Variants in MAP4 observed in about 807,000 individuals in gnomAD.
MAP4 encodes microtubule associated protein 4, also known as microtubule-associated protein 4.
A neutral mutation model predicts 170.2 loss-of-function variants in MAP4; 76 were observed. The ratio of observed to expected loss-of-function variants is 0.45; its 90% CI spans 0.37 to 0.54. The LOEUF (loss-of-function observed/expected upper bound fraction) is 0.54, where lower values mean the gene tolerates loss of function less well. Among genes scored for constraint, MAP4 ranks in the 20% least tolerant of loss-of-function variants. The probability of loss-of-function intolerance (pLI) is 0.00; values close to 1 mark genes in which losing one functional copy is unlikely to be tolerated. For missense variants in MAP4, 2,506 were observed against 2,748.0 expected (o/e 0.91, Z 1.97); for synonymous variants, 909 against 994.5 (o/e 0.91, Z 1.62).
At chr3:47,891,670 C>T (rs1167891079) in intron 10 of MAP4, 3 of 1,536,346 alleles carry the variant, frequency 2.0e-6, no homozygotes, top group South Asian at 1.2e-5. Flanking sequence ...TCTCCAACTC[C>T]TTATCATGGT....
In MAP4 at chr3:47,916,268, A is replaced by C. The variant is rs754069304; in HGVS notation, c.1559T>G (p.Val520Gly). ...TACTTCTGTTTCTGGAGGTGGAGTC[A>C]CATCCTTGCCCAGAGCCATTTCTGT... ...SETEMALGKD[V>G]TPPPETEVVL... Residue 520 changes from valine (V) to glycine (G), a missense_variant, in exon 7 of 21, where the codon GTG (valine) becomes GGG (glycine). Physicochemically the swap from Val to Gly is moderately radical, Grantham distance 109. Around this residue, in one of 3 missense-constraint regions of MAP4, gnomAD observed 2,008 missense variants for 2,206.0 expected, o/e 0.91. Transcript: ENST00000683076. 4.3e-6 allele frequency: 7 copies of C among 1,614,080 alleles called. No homozygotes were observed. The African/African-American group carries it at 9.3e-5, about 22-fold the overall frequency.
chr3:47,910,674 A>G lies in MAP4; in HGVS notation c.3747T>C (p.Asp1249=). ...LNPPFEGKDG[D]TGSIPHKSKE... ...TGCTTTTATGGGGAATACTACCAGTATCTCCATCCTTCCCTTCAAAAGGTG... is the reference window on the plus strand; with the variant it reads ...TGCTTTTATGGGGAATACTACCAGTGTCTCCATCCTTCCCTTCAAAAGGTG... The change falls in exon 9 of 21, where the codon GAT becomes GAC. Residue 1249 remains aspartate, a synonymous_variant. Transcript: ENST00000683076. 2 of 1,536,038 alleles carry G rather than the reference A, an allele frequency of 1.3e-6. No homozygotes were observed. Among genetic ancestry groups the G allele is most frequent in the Non-Finnish European group, 8.7e-7 (1 of 1,146,816 alleles).
intron 3 of MAP4, among the ~76,000 whole-genome samples, chr3:47,951,281 T>C (rs1377564408): frequency 6.6e-6 from 1 of 152,168 alleles, no homozygotes; most frequent in East Asian, 1.9e-4. Flanking sequence ...AGAAACTTTT[T>C]AAAGTATCTC....
intron 19 of MAP4, among the ~76,000 whole-genome samples, chr3:47,854,250 GCC>G (rs1367185205): frequency 6.6e-6 from 1 of 152,216 alleles, no homozygotes; most frequent in Non-Finnish European, 1.5e-5. Context: ...AGAGACTAAA[GCC>G]AAGTTAACGC....
At chr3:47,878,943 C>G (rs560118248) in intron 10 of MAP4, among the ~76,000 whole-genome samples, 1 of 152,234 alleles carries the variant, frequency 6.6e-6, no homozygotes, top group Admixed American at 6.5e-5. Flanking sequence ...AACTGTATGA[C>G]CCATAGGCAG....
At chr3:48,032,294 C>T (rs2100116572) in intron 1 of MAP4, among the ~76,000 whole-genome samples, 1 of 151,744 alleles carries the variant, frequency 6.6e-6, no homozygotes, top group South Asian at 2.1e-4. Context: ...CAGGAGTTCG[C>T]GAGCGGCCTG....
At position 47,977,691 on chromosome 3, in the gene MAP4, T is replaced by C. The variant is rs11928659; in HGVS notation, c.292+174A>G. On this transcript the variant is annotated intron_variant, in intron 3 of 20. Transcript: ENST00000683076. ...AAGCAAACTCATTATTCTCCTTCCA[T>C]TGTTGGAGATTTTACATGGCAATGT... 2.9e-3 allele frequency among the ~76,000 whole-genome samples: 444 copies of C among 152,380 alleles called. 4 individuals carry two copies. Among genetic ancestry groups the C allele is most frequent in the African/African-American group, 0.01 (417 of 41,596 alleles).
chr3:47,995,266 T>C, intron 2 of MAP4, among the ~76,000 whole-genome samples: 1 of 150,192 alleles, frequency 6.7e-6, no homozygotes, highest in South Asian at 2.1e-4. Flanking sequence ...TTTTTTTTTT[T>C]TTGAGACAGA....
At chr3:47,882,974 T>C (rs1270659227) in intron 10 of MAP4, among the ~76,000 whole-genome samples, 1 of 151,540 alleles carries the variant, frequency 6.6e-6, no homozygotes, top group African/African-American at 2.4e-5. Flanking sequence ...GCTTGGCTAA[T>C]TTTTCTTTTT....
intron 3 of MAP4, among the ~76,000 whole-genome samples, chr3:47,964,671 A>G (rs954337059): frequency 6.6e-6 from 1 of 152,228 alleles, no homozygotes; most frequent in Admixed American, 6.5e-5. Flanking sequence ...TTCTTACAAA[A>G]TGTTCCCCAT....
chr3:48,030,505 TA>T (rs1579390517), intron 1 of MAP4, among the ~76,000 whole-genome samples: 1 of 147,974 alleles, frequency 6.8e-6, no homozygotes, highest in African/African-American at 2.5e-5. Flanking sequence ...AAAACAACGA[TA>T]GGGGTAAGTT....
chr3:48,005,266 CAGG>C (rs1485478889), intron 1 of MAP4, among the ~76,000 whole-genome samples: 1 of 152,020 alleles, frequency 6.6e-6, no homozygotes, highest in Non-Finnish European at 1.5e-5. Context: ...CAGGCTGAGG[CAGG>C]AGAATTGCAT....
intron 1 of MAP4, among the ~76,000 whole-genome samples, chr3:48,015,244 T>C (rs766177064): frequency 1.3e-5 from 2 of 150,690 alleles, no homozygotes; most frequent in African/African-American, 4.9e-5. Context: ...TGCTCACTTA[T>C]ATTTTCTCTA....
chr3:47,891,798 G>A (rs1347310495), intron 10 of MAP4: 17 of 1,536,376 alleles, frequency 1.1e-5, no homozygotes, highest in Non-Finnish European at 1.5e-5. Context: ...ACCAGGAGTG[G>A]GGACTCACAC....
chr3:47,992,917 A>AG (rs1325026030), intron 2 of MAP4, among the ~76,000 whole-genome samples: 1 of 151,936 alleles, frequency 6.6e-6, no homozygotes, highest in African/African-American at 2.4e-5. Context: ...AAAAAAAAAA[A>AG]AAAGCTCATA....
intron 1 of MAP4, among the ~76,000 whole-genome samples, chr3:48,074,680 G>T (rs972548249): frequency 7.9e-6 from 1 of 126,938 alleles, no homozygotes; most frequent in African/African-American, 3.0e-5. Flanking sequence ...AGCTAATTGT[G>T]TGTGTGTGTG....
At chr3:47,875,643 G>C (rs201469193) in intron 12 of MAP4, 42 bp downstream of exon 12, 1 of 1,532,550 alleles carries the variant, frequency 6.5e-7, no homozygotes. Flanking sequence ...ACACTCAGAG[G>C]GGAACAATTT....
intron 3 of MAP4, among the ~76,000 whole-genome samples, chr3:47,932,683 C>T (rs1333173295): frequency 6.6e-6 from 1 of 152,134 alleles, no homozygotes; most frequent in Non-Finnish European, 1.5e-5. Context: ...TGATGTTGAG[C>T]ATTTTTTCAT....
At chr3:47,929,528 A>G (rs1351703252) in intron 3 of MAP4, among the ~76,000 whole-genome samples, 1 of 151,406 alleles carries the variant, frequency 6.6e-6, no homozygotes, top group East Asian at 1.9e-4. Context: ...TTTTCAACAA[A>G]TGATACAGAA....
Sources: gnomAD v4.1 joint callset for allele counts (sites outside exome capture counted in the v4.1 genomes callset) on GRCh38, gnomAD v4.1.1 for gene constraint, gnomAD v4.1.1 regional missense constraint, MANE v1.5 for transcripts, NCBI Gene and HGNC (gene_info 2026-07-23, HGNC 2026-07-21) for gene names.